The following ARHGEF33 variants were observed in gnomAD, a reference collection of about 807,000 sequenced individuals.
ARHGEF33 encodes the protein DH and coiled-coil domain-containing protein ENSP00000381780.
ARHGEF33 carries 72 observed loss-of-function variants against 101.9 expected under a neutral mutation model. That is an observed-to-expected ratio of 0.71 (90% confidence interval 0.58 to 0.86). The LOEUF is 0.86. Ranked by LOEUF, ARHGEF33 falls within the 40% of genes least tolerant of loss-of-function variation. ARHGEF33 has a pLI of 0.00. For missense variants in ARHGEF33, 1,169 were observed against 1,111.3 expected (o/e 1.05, Z -0.74); for synonymous variants, 499 against 442.5 (o/e 1.13, Z -1.60).
In ARHGEF33 at chr2:38,951,868, A is replaced by G. The variant is rs116470334; in HGVS notation, c.1053+747A>G. On this transcript the variant is annotated intron_variant, in intron 11 of 17. Transcript: ENST00000409978. ...TCTTGAATTTTGCAATCTCTACAATATCCTACAAAGAAAATATGATCCAAG... is the reference window on the plus strand; with the variant it reads ...TCTTGAATTTTGCAATCTCTACAATGTCCTACAAAGAAAATATGATCCAAG... 9.0e-3 allele frequency among the ~76,000 whole-genome samples: 1,376 copies of G among 152,300 alleles called. 12 individuals are homozygous for G. Among genetic ancestry groups the G allele is most frequent in the Admixed American group, 0.015 (234 of 15,292 alleles).
At chr2:38,890,325 A>G (rs954655950) in intron 1 of ARHGEF33, among the ~76,000 whole-genome samples, 6 of 152,222 alleles carry the variant, frequency 3.9e-5, no homozygotes, top group Non-Finnish European at 8.8e-5. Flanking sequence ...TAGACAGCGT[A>G]AATCTGACAT....
At position 38,929,796 on chromosome 2, in the gene ARHGEF33, G is replaced by A; in HGVS notation, c.328G>A (p.Glu110Lys). 2 of 1,551,346 alleles carry A rather than the reference G, an allele frequency of 1.3e-6. No individual in the cohort carries two copies. The highest frequency in any genetic ancestry group is 1.7e-6 in the Non-Finnish European group (2 of 1,146,662). Residue 110 changes from glutamate to lysine, a missense_variant, in exon 6 of 18, where the codon GAG becomes AAG. Coordinates refer to ENST00000409978, the MANE Select transcript of ARHGEF33 (RefSeq NM_001145451.5). ...MQQKIEQLQQ[E>K]KRRESRKVKA... ...ACAGAAAATCGAGCAGCTTCAACAG[G>A]AGAAGCGAAGAGAATCTCGAAAAGT...
At chr2:38,971,115 G>A (rs779193180) in intron 17 of ARHGEF33, among the ~76,000 whole-genome samples, 1 of 152,204 alleles carries the variant, frequency 6.6e-6, no homozygotes, top group Non-Finnish European at 1.5e-5. Context: ...AAGGAGGATA[G>A]TCTTTCCAAT....
intron 1 of ARHGEF33, among the ~76,000 whole-genome samples, chr2:38,894,148 A>C (rs1220329935): frequency 6.6e-6 from 1 of 152,060 alleles, no homozygotes; most frequent in East Asian, 1.9e-4. Flanking sequence ...GCAAAACCCC[A>C]TCTCTACCAA....
In ARHGEF33 at chr2:38,960,247, T is replaced by G; in HGVS notation, c.1942T>G (p.Ser648Ala). The G allele has an allele frequency of 6.5e-7, 1 of 1,548,094 alleles. No homozygotes were observed. Among genetic ancestry groups the G allele is most frequent in the Non-Finnish European group, 8.7e-7 (1 of 1,146,138 alleles). The change falls in exon 16 of 18, where the codon TCC becomes GCC. Residue 648 changes from serine to alanine, a missense_variant. Physicochemically the swap from Ser to Ala is moderately conservative, Grantham distance 99 (BLOSUM62 1). Transcript: ENST00000409978. ...ALFENCSPAS[S>A]ESSLDICFLR... is the part of the protein sequence containing the mutation. Reference sequence around the variant, plus strand: ...CTTCGAGAACTGCTCGCCTGCCTCCTCCGAGTCCAGCCTGGACATCTGCTT... The same window carrying G: ...CTTCGAGAACTGCTCGCCTGCCTCCGCCGAGTCCAGCCTGGACATCTGCTT...
At chr2:38,919,542 C>T (rs1011721464) in intron 3 of ARHGEF33, 70 bp downstream of exon 3, 2 of 1,442,620 alleles carry the variant, frequency 1.4e-6, no homozygotes, top group African/African-American at 1.4e-5. Flanking sequence ...CTTGTCTTAC[C>T]ACTGTCTCGA....
intron 16 of ARHGEF33, among the ~76,000 whole-genome samples, chr2:38,965,497 C>T (rs959583244): frequency 3.3e-5 from 5 of 152,162 alleles, no homozygotes; most frequent in Non-Finnish European, 7.3e-5. Flanking sequence ...TCTGACTTCT[C>T]AAAAATGCCT....
intron 4 of ARHGEF33, among the ~76,000 whole-genome samples, chr2:38,922,755 G>A (rs1264251059): frequency 6.6e-5 from 10 of 152,180 alleles, no homozygotes; most frequent in Non-Finnish European, 1.3e-4. Context: ...AAAGGATTGC[G>A]ATAGAGGCAT....
At chr2:38,967,340 A>C (rs965525073) in intron 17 of ARHGEF33, among the ~76,000 whole-genome samples, 3 of 152,230 alleles carry the variant, frequency 2.0e-5, no homozygotes, top group African/African-American at 7.2e-5. Context: ...ACAGCTCTGC[A>C]TGTAGCCATA....
chr2:38,931,053 A>C, intron 6 of ARHGEF33, 56 bp from the exon 7 acceptor site: 1 of 1,381,324 alleles, frequency 7.2e-7, no homozygotes. Flanking sequence ...GAATCTCCTC[A>C]TAACCTATCA....
At chr2:38,903,008 T>C (rs1445946749) in intron 2 of ARHGEF33, among the ~76,000 whole-genome samples, 1 of 152,118 alleles carries the variant, frequency 6.6e-6, no homozygotes, top group Admixed American at 6.6e-5. Flanking sequence ...TTTGGGAAGA[T>C]TCTGAAGTTG....
intron 17 of ARHGEF33, among the ~76,000 whole-genome samples, chr2:38,969,216 G>C (rs1170048771): frequency 5.9e-5 from 9 of 152,162 alleles, no homozygotes; most frequent in Non-Finnish European, 1.3e-4. Flanking sequence ...CAGGCTGGCA[G>C]CAAGCCCTGG....
At chr2:38,960,817 C>T (rs1178384429) in intron 16 of ARHGEF33, among the ~76,000 whole-genome samples, 169 bp downstream of exon 16, 2 of 152,102 alleles carry the variant, frequency 1.3e-5, no homozygotes, top group African/African-American at 4.8e-5. Flanking sequence ...GGGCAGCCCC[C>T]GCGCCCTGCG....
chr2:38,937,604 A>T (rs1558434641), intron 9 of ARHGEF33, 45 bp downstream of exon 9: 1 of 1,145,564 alleles, frequency 8.7e-7, no homozygotes, highest in African/African-American at 1.5e-5. Context: ...AAAGAACAGG[A>T]TGTACCAGAG....
chr2:38,958,036 C>T lies in ARHGEF33; in HGVS notation c.1373C>T (p.Ser458Leu). ...LIQKRKKLKKSSMAKLYKGLA... is the reference protein window; with the variant it reads ...LIQKRKKLKKLSMAKLYKGLA... Reference sequence around the variant, plus strand: ...AACTGTTATTTCCATTCTGTTAGGTCATCCATGGCGAAGCTGTACAAAGGG... The same window carrying T: ...AACTGTTATTTCCATTCTGTTAGGTTATCCATGGCGAAGCTGTACAAAGGG... Residue 458 changes from serine (S) to leucine (L), a missense_variant and splice_region_variant, in exon 15 of 18, where the codon TCA (serine) becomes TTA (leucine). Coordinates refer to ENST00000409978, the MANE Select transcript of ARHGEF33 (RefSeq NM_001145451.5). The T allele has an allele frequency of 6.4e-7, 1 of 1,552,282 alleles. No individual in the cohort carries two copies. The highest frequency in any genetic ancestry group is 8.7e-7 in the Non-Finnish European group (1 of 1,147,134).
chr2:38,937,588 T>A, intron 9 of ARHGEF33, 29 bp downstream of exon 9: 2 of 1,269,060 alleles, frequency 1.6e-6, no homozygotes, highest in Non-Finnish European at 2.2e-6. Flanking sequence ...TGCAGGCTAA[T>A]AGTTTAAAGA....
chr2:38,927,370 T>C (rs1666897567), intron 4 of ARHGEF33, among the ~76,000 whole-genome samples: 1 of 152,190 alleles, frequency 6.6e-6, no homozygotes, highest in Non-Finnish European at 1.5e-5. Context: ...TTTGTTAAGG[T>C]ATCTGGACTT....
At chr2:38,962,256 A>C (rs141016542) in intron 16 of ARHGEF33, among the ~76,000 whole-genome samples, 2 of 152,332 alleles carry the variant, frequency 1.3e-5, no homozygotes, top group African/African-American at 4.8e-5. Flanking sequence ...TATAGTGCCA[A>C]TTCAGTGTGA....
At chr2:38,961,840 A>T (rs1032242491) in intron 16 of ARHGEF33, among the ~76,000 whole-genome samples, 8 of 151,914 alleles carry the variant, frequency 5.3e-5, no homozygotes, top group Admixed American at 3.3e-4. Context: ...GAATGTCCGA[A>T]TTAGATTGTA....
Sources: allele counts gnomAD v4.1 joint callset (sites outside exome capture counted in the v4.1 genomes callset), GRCh38; gene constraint gnomAD v4.1.1; transcripts MANE v1.5; gene names NCBI Gene and HGNC (gene_info 2026-07-23, HGNC 2026-07-21).